The following RABGEF1 variants were observed in gnomAD, a reference collection of about 807,000 sequenced individuals.
RABGEF1 encodes the protein rab5 GDP/GTP exchange factor.
In RABGEF1, 26 loss-of-function variants were observed where a neutral mutation model predicts 57.3. The observed-to-expected ratio is 0.45, with a 90% CI of 0.33 to 0.63. RABGEF1 has a LOEUF of 0.63. RABGEF1 is among the 20% of genes least tolerant of loss of function. The pLI is 0.02. For synonymous variants in RABGEF1, 185 were observed against 210.7 expected (o/e 0.88, Z 1.06); for missense variants, 464 against 607.6 (o/e 0.76, Z 2.48).
the RABGEF1 span, among the ~76,000 whole-genome samples, chr7:66,673,336 G>A: frequency 6.6e-6 from 1 of 151,866 alleles, no homozygotes; most frequent in Admixed American, 6.6e-5. Context: ...ATCTGGGGTC[G>A]TTCCCCATTG....
chr7:66,712,194 C>A (rs575585114), exon 2 of RABGEF1: 14 of 152,314 alleles, frequency 9.2e-5, no homozygotes, highest in African/African-American at 3.1e-4. Flanking sequence ...TGACATCCAA[C>A]CTGTATCAAG....
chr7:66,748,322 C>T (rs1035025823), intron 1 of RABGEF1, among the ~76,000 whole-genome samples: 10 of 152,160 alleles, frequency 6.6e-5, no homozygotes, highest in Admixed American at 2.0e-4. Flanking sequence ...TTTAGATTAT[C>T]TAGATGAGTA....
the RABGEF1 span, among the ~76,000 whole-genome samples, chr7:66,664,843 G>T: frequency 0.5 from 75,761 of 152,116 alleles, 19,804 homozygotes; most frequent in African/African-American, 0.65. Flanking sequence ...GACCTCTTCG[G>T]GGTGCCTCCC....
chr7:66,749,946 C>T (rs534913334), intron 1 of RABGEF1, among the ~76,000 whole-genome samples: 253 of 149,264 alleles, frequency 1.7e-3, no homozygotes, highest in African/African-American at 5.7e-3. Context: ...TGCACTCCAG[C>T]GTGGGCGACA....
rs1375135518 is a variant in RABGEF1 at position 66,706,927 on chromosome 7, G to A, written c.-872-5240G>A. On this transcript the variant is annotated intron_variant and NMD_transcript_variant, in intron 1 of 9. Coordinates refer to the RABGEF1 transcript ENST00000607882. The stretch of plus-strand genomic sequence containing the variant: ...CTCCCGAGTAGCTGGGACTACAGGC[G>A]CCCACGACCACGCCTGGCTAATTTT... 9.9e-5 allele frequency among the ~76,000 whole-genome samples: 15 copies of A among 150,800 alleles called. No homozygotes were observed. In the South Asian group the frequency reaches 1.0e-3, roughly 11 times the overall value.
chr7:66,686,525 A>G (rs1790661365), intron 1 of RABGEF1, among the ~76,000 whole-genome samples: 1 of 152,182 alleles, frequency 6.6e-6, no homozygotes, highest in Non-Finnish European at 1.5e-5. Flanking sequence ...CTTATTAAAT[A>G]TACACTTTTA....
At chr7:66,689,267 C>A (rs1209200397) in intron 1 of RABGEF1, among the ~76,000 whole-genome samples, 1 of 151,442 alleles carries the variant, frequency 6.6e-6, no homozygotes, top group African/African-American at 2.4e-5. Flanking sequence ...AGAATTAAAA[C>A]TTTTTTACAG....
At chr7:66,706,444 T>C (rs1431342873) in intron 1 of RABGEF1, among the ~76,000 whole-genome samples, 2 of 152,072 alleles carry the variant, frequency 1.3e-5, no homozygotes, top group Non-Finnish European at 2.9e-5. Flanking sequence ...GGAGTCTCGC[T>C]CCGTCCCCAG....
intron 1 of RABGEF1, among the ~76,000 whole-genome samples, chr7:66,705,695 G>GTTTTTTTTTTTTTT (rs1439855354): frequency 7.0e-6 from 1 of 142,076 alleles, no homozygotes; most frequent in African/African-American, 2.6e-5. Flanking sequence ...AGATACAAGT[G>GTTTTTTTTTTTTTT]TTTTTTTTTT....
intron 1 of RABGEF1, among the ~76,000 whole-genome samples, chr7:66,750,853 G>A (rs968794921): frequency 3.9e-5 from 6 of 152,140 alleles, no homozygotes; most frequent in African/African-American, 1.4e-4. Flanking sequence ...CGCTTTATGT[G>A]TATTTGGAGA....
At chr7:66,655,382 C>G in the RABGEF1 span, among the ~76,000 whole-genome samples, 1 of 152,196 alleles carries the variant, frequency 6.6e-6, no homozygotes, top group South Asian at 2.1e-4. Flanking sequence ...CCAGTCCTTG[C>G]GGTTGGGAAA....
chr7:66,747,226 C>T (rs568855954), intron 1 of RABGEF1, among the ~76,000 whole-genome samples: 133 of 152,284 alleles, frequency 8.7e-4, no homozygotes, highest in African/African-American at 3.1e-3. Flanking sequence ...AGTATGTGTT[C>T]ATGAATGCGT....
In RABGEF1 at chr7:66,796,582, T is replaced by TTTTG. The variant is rs202225343; in HGVS notation, c.596-772_596-769dup. Among the ~76,000 whole-genome samples the TTTTG allele has an allele frequency of 2.4e-3, 369 of 152,080 alleles. 4 individuals are homozygous for TTTTG. Among genetic ancestry groups the TTTTG allele is most frequent in the South Asian group, 0.021 (102 of 4,806 alleles). The stretch of plus-strand genomic sequence containing the variant: ...CAGCCCAACAGTTGGAAGAAGATTT[T>TTTTG]TTTGTTTGTTTGTTTGTTTGTTTTT... On this transcript the variant is annotated intron_variant, in intron 5 of 8. Coordinates refer to ENST00000284957, the MANE Select transcript of RABGEF1 (RefSeq NM_014504.3).
chr7:66,773,580 T>C, intron 2 of RABGEF1: 1 of 425,314 alleles, frequency 2.4e-6, no homozygotes, highest in South Asian at 1.7e-5. Flanking sequence ...TTTGCATTTC[T>C]GACAAGTTGC....
chr7:66,767,051 G>A (rs1805927715), intron 1 of RABGEF1, among the ~76,000 whole-genome samples: 2 of 146,960 alleles, frequency 1.4e-5, no homozygotes, highest in Admixed American at 1.4e-4. Context: ...TGCCCAGGCT[G>A]GAGTGCAATG....
intron 1 of RABGEF1, among the ~76,000 whole-genome samples, chr7:66,707,450 T>C (rs1304033461): frequency 6.6e-6 from 1 of 152,110 alleles, no homozygotes; most frequent in Non-Finnish European, 1.5e-5. Flanking sequence ...CCCAGCACTT[T>C]GAGAGGCCAA....
chr7:66,805,394 C>T lies in RABGEF1; in HGVS notation c.1075C>T (p.Leu359=). 2 of 1,614,042 alleles carry T rather than the reference C, an allele frequency of 1.2e-6. No individual in the cohort carries two copies. Among genetic ancestry groups the T allele is most frequent in the East Asian group, 2.2e-5 (1 of 44,886 alleles). The change falls in exon 8 of 9, where the codon CTG becomes TTG. Residue 359 remains leucine (L), a splice_region_variant and synonymous_variant. Coordinates refer to ENST00000284957, the MANE Select transcript of RABGEF1 (RefSeq NM_014504.3). ...TGEDGYYFTN[L]CCAVAFIEKL... is the part of the protein sequence containing the mutation. ...AGAGGATGGCTACTATTTCACCAAT[C>T]TGGTGAGTAAGTGAGTTCTTGGTGT...
intron 4 of RABGEF1, among the ~76,000 whole-genome samples, chr7:66,791,662 A>G (rs1484381086): frequency 1.3e-5 from 2 of 152,248 alleles, no homozygotes; most frequent in Non-Finnish European, 2.9e-5. Context: ...AAGGTTTTCA[A>G]AACTGGAAGT....
At chr7:66,748,015 G>A (rs147822619) in intron 1 of RABGEF1, among the ~76,000 whole-genome samples, 161 of 152,144 alleles carry the variant, frequency 1.1e-3, no homozygotes, top group African/African-American at 3.6e-3. Flanking sequence ...AAGTGCAGAG[G>A]GCCACAAATT....
Sources: gnomAD v4.1 joint callset for allele counts (sites outside exome capture counted in the v4.1 genomes callset) on GRCh38, gnomAD v4.1.1 for gene constraint, MANE v1.5 for transcripts, NCBI Gene and HGNC (gene_info 2026-07-23, HGNC 2026-07-21) for gene names.